PRKAG2: variants seen among roughly 807,000 people sequenced by gnomAD.
The protein encoded by PRKAG2 is 5'-AMP-activated protein kinase subunit gamma-2.
In PRKAG2, 26 loss-of-function variants were observed where a neutral mutation model predicts 69.6. That is an observed-to-expected ratio of 0.37 (90% confidence interval 0.27 to 0.52). PRKAG2 has a LOEUF of 0.52. PRKAG2 is among the 20% of genes least tolerant of loss of function. The pLI is 0.90. For missense variants in PRKAG2, 557 were observed against 740.0 expected (o/e 0.75, Z 2.87); for synonymous variants, 293 against 285.0 (o/e 1.03, Z -0.28).
In PRKAG2 at chr7:151,595,331, T is replaced by C. The variant is rs1283947415; in HGVS notation, c.864+14A>G. 1.3e-6 allele frequency: 2 copies of C among 1,589,812 alleles called. No individual in the cohort carries two copies. Among genetic ancestry groups the C allele is most frequent in the Non-Finnish European group, 8.6e-7 (1 of 1,158,792 alleles). On this transcript the variant is annotated intron_variant, in intron 6 of 15. Transcript: ENST00000287878. Reference sequence around the variant, plus strand: ...AAAAATACCAAAAAATTCATGAAAATGGAGTACACTTACTTGTAATGTAGT... The same window carrying C: ...AAAAATACCAAAAAATTCATGAAAACGGAGTACACTTACTTGTAATGTAGT...
chr7:151,703,908 AC>A (rs1380714549), intron 3 of PRKAG2, among the ~76,000 whole-genome samples: 7 of 134,400 alleles, frequency 5.2e-5, no homozygotes, highest in East Asian at 2.1e-4. Context: ...ACACACACAC[AC>A]AAATTAGCTA....
At chr7:151,758,015 C>T (rs752780881) in intron 3 of PRKAG2, among the ~76,000 whole-genome samples, 1 of 152,190 alleles carries the variant, frequency 6.6e-6, no homozygotes, top group Non-Finnish European at 1.5e-5. Flanking sequence ...AAATCTTCCC[C>T]GGGTGTCAGA....
chr7:151,563,956 A>T lies in PRKAG2; in HGVS notation c.1584+122T>A, dbSNP rs543061634. 28 of 1,347,954 alleles carry T rather than the reference A, an allele frequency of 2.1e-5. No homozygotes were observed. The East Asian group carries it at 6.2e-4, about 30-fold the overall frequency. 83.5% of individuals were successfully genotyped at this position (1,347,954 alleles called of 1,614,324 possible). The stretch of plus-strand genomic sequence containing the variant: ...TCTGGGACAGGAGGGAATCCCATCG[A>T]CTGAACCTGGAGGCTGCCTCGCTGG... On this transcript the variant is annotated intron_variant, in intron 14 of 15. Transcript: ENST00000287878.
chr7:151,846,354 G>A (rs1279231338), intron 1 of PRKAG2, among the ~76,000 whole-genome samples: 4 of 152,110 alleles, frequency 2.6e-5, no homozygotes, highest in Non-Finnish European at 4.4e-5. Flanking sequence ...TGTAATCCCA[G>A]CTACTCAGGA....
intron 1 of PRKAG2, among the ~76,000 whole-genome samples, chr7:151,854,312 C>T (rs773373682): frequency 5.9e-5 from 9 of 152,260 alleles, no homozygotes; most frequent in African/African-American, 1.4e-4. Flanking sequence ...CACGAACACA[C>T]GTGCACATGC....
rs1311314521 is a variant in PRKAG2 at position 151,781,113 on chromosome 7, CCCCAGCA to C, written c.466+32_466+38del. 6.2e-7 allele frequency: 1 copy of C among 1,612,372 alleles called. No individual in the cohort carries two copies. The highest frequency in any genetic ancestry group is 2.2e-5 in the East Asian group (1 of 44,860). ...GTGGCTGCAGAAGAGACCCCCAGCA[CCCCAGCA>C]CCCACCTGAAACAATAGCATCAAGG... On this transcript the variant is annotated intron_variant, in intron 3 of 15. Coordinates refer to ENST00000287878, the MANE Select transcript of PRKAG2 (RefSeq NM_016203.4). The surrounding 1 kb of genome is among the most constrained non-coding windows in gnomAD (Gnocchi z 6.1).
At chr7:151,816,548 C>A (rs1881633) in intron 1 of PRKAG2, among the ~76,000 whole-genome samples, 136,549 of 152,222 alleles carry the variant, frequency 0.9, 61,494 homozygotes, top group Admixed American at 0.92. Flanking sequence ...TGGATGAACA[C>A]GCATCAGGAC....
At chr7:151,799,398 C>G (rs1334007673) in intron 1 of PRKAG2, among the ~76,000 whole-genome samples, 1 of 152,234 alleles carries the variant, frequency 6.6e-6, no homozygotes, top group Non-Finnish European at 1.5e-5. Context: ...TTGCAACGGG[C>G]TGGCCATCCC....
At chr7:151,600,005 C>T (rs1815661689) in intron 5 of PRKAG2, among the ~76,000 whole-genome samples, 1 of 152,188 alleles carries the variant, frequency 6.6e-6, no homozygotes, top group African/African-American at 2.4e-5. Flanking sequence ...AATACTTTCT[C>T]CGTCTGTTTG....
chr7:151,710,487 CG>C (rs1554554835), intron 3 of PRKAG2, among the ~76,000 whole-genome samples: 1 of 152,182 alleles, frequency 6.6e-6, no homozygotes, highest in Non-Finnish European at 1.5e-5. Flanking sequence ...CGAAGCTCTG[CG>C]GTGACCCCAT....
At chr7:151,575,951 G>A (rs190497837) in intron 7 of PRKAG2, among the ~76,000 whole-genome samples, 45 of 148,856 alleles carry the variant, frequency 3.0e-4, no homozygotes, top group Admixed American at 1.7e-3. Context: ...TTACTAGCAC[G>A]TCCACCTTCT....
At chr7:151,669,985 C>A (rs927130755) in intron 4 of PRKAG2, among the ~76,000 whole-genome samples, 3 of 112,354 alleles carry the variant, frequency 2.7e-5, no homozygotes, top group Non-Finnish European at 3.7e-5. Flanking sequence ...TGTGCACACA[C>A]ACTTGCATGC....
chr7:151,816,271 C>T (rs1381217713), intron 1 of PRKAG2, among the ~76,000 whole-genome samples: 1 of 152,164 alleles, frequency 6.6e-6, no homozygotes, highest in Admixed American at 6.5e-5. Flanking sequence ...TCTAAGAACT[C>T]ACAAGCCTGA....
intron 3 of PRKAG2, among the ~76,000 whole-genome samples, chr7:151,722,957 TC>T (rs1797356052): frequency 6.6e-6 from 1 of 151,994 alleles, no homozygotes; most frequent in Non-Finnish European, 1.5e-5. Flanking sequence ...GGTCTCTGCC[TC>T]CCAAAAAGTG....
Position 151,699,062 on chromosome 7 carries a change from T to C in PRKAG2, c.467-23425A>G, listed in dbSNP as rs900819049. On this transcript the variant is annotated intron_variant, in intron 3 of 15. Coordinates refer to ENST00000287878, the MANE Select transcript of PRKAG2 (RefSeq NM_016203.4). This position sits in a 1 kb window ranked among gnomAD's most constrained non-coding sequence, Gnocchi z 4.5. ...GGGTTTCAGGACAGGGTACAGGAAA[T>C]GACCTGCAAGTCTGCAGAGCCAGTC... is the stretch of plus-strand genomic sequence containing the variant. 2.0e-5 allele frequency among the ~76,000 whole-genome samples: 3 copies of C among 152,142 alleles called. No homozygotes were observed. The highest frequency in any genetic ancestry group is 4.4e-5 in the Non-Finnish European group (3 of 68,010).
At chr7:151,674,404 A>T (rs1247521377) in intron 4 of PRKAG2, among the ~76,000 whole-genome samples, 1 of 152,222 alleles carries the variant, frequency 6.6e-6, no homozygotes, top group Non-Finnish European at 1.5e-5. Flanking sequence ...CCCCAGTGAC[A>T]TGCGACACTA....
chr7:151,685,811 A>G (rs1834638752), intron 3 of PRKAG2, among the ~76,000 whole-genome samples: 1 of 152,226 alleles, frequency 6.6e-6, no homozygotes, highest in African/African-American at 2.4e-5. Flanking sequence ...ATTGATTCAT[A>G]TGACCCACAG....
intron 5 of PRKAG2, among the ~76,000 whole-genome samples, chr7:151,628,683 G>GT (rs1434373567): frequency 6.9e-6 from 1 of 144,100 alleles, no homozygotes; most frequent in Non-Finnish European, 1.5e-5. Flanking sequence ...TTCACCCCAG[G>GT]TAAGAGTGAG....
intron 3 of PRKAG2, among the ~76,000 whole-genome samples, chr7:151,773,834 G>A (rs76700403): frequency 0.013 from 2,007 of 152,246 alleles, 47 homozygotes; most frequent in African/African-American, 0.046. Context: ...ACTCAGCCAC[G>A]TAATAATTCT....
Sources: gnomAD v4.1 joint callset for allele counts (sites outside exome capture counted in the v4.1 genomes callset) on GRCh38, gnomAD v4.1.1 for gene constraint, Gnocchi (gnomAD v3.1) non-coding constraint, MANE v1.5 for transcripts, NCBI Gene and HGNC (gene_info 2026-07-23, HGNC 2026-07-21) for gene names.